The following ACAD10 variants were observed in gnomAD, a reference collection of about 807,000 sequenced individuals.
ACAD10 encodes the protein acyl-CoA dehydrogenase family member 10.
A neutral mutation model predicts 116.8 loss-of-function variants in ACAD10; 112 were observed. The ratio of observed to expected loss-of-function variants is 0.96; its 90% CI spans 0.82 to 1.12. The LOEUF is 1.12. ACAD10 is among the 50% of genes most tolerant of loss of function. ACAD10 has a pLI of 0.00. For synonymous variants in ACAD10, 486 were observed against 510.6 expected (o/e 0.95, Z 0.65); for missense variants, 1,259 against 1,350.2 (o/e 0.93, Z 1.06).
At chr12:111,689,780 A>G (rs940841698) in intron 1 of ACAD10, among the ~76,000 whole-genome samples, 2 of 150,836 alleles carry the variant, frequency 1.3e-5, no homozygotes, top group Admixed American at 6.6e-5. Flanking sequence ...CAGTGGCACC[A>G]TCTCGGCTCA....
intron 3 of ACAD10, 41 bp from the exon 4 acceptor site, chr12:111,705,697 C>A: frequency 6.4e-7 from 1 of 1,565,218 alleles, no homozygotes; most frequent in Non-Finnish European, 8.7e-7. Context: ...GTTTGTCACT[C>A]TTAATGATTG....
chr12:111,711,458 C>G (rs1035685856), intron 5 of ACAD10, among the ~76,000 whole-genome samples: 2 of 152,098 alleles, frequency 1.3e-5, no homozygotes, highest in African/African-American at 4.8e-5. Context: ...ATACGCCTGC[C>G]TCGGCCTCCC....
intron 5 of ACAD10, among the ~76,000 whole-genome samples, chr12:111,710,764 G>A (rs993378236): frequency 6.6e-6 from 1 of 151,972 alleles, no homozygotes; most frequent in Admixed American, 6.6e-5. Flanking sequence ...AAAGATTCAC[G>A]GCCTCACCAC....
At chr12:111,752,536 G>A (rs1432932558) in intron 18 of ACAD10, among the ~76,000 whole-genome samples, 1 of 151,988 alleles carries the variant, frequency 6.6e-6, no homozygotes, top group East Asian at 1.9e-4. Context: ...TGAACCCCGG[G>A]AGGCAGAGGT....
chr12:111,753,291 G>A (rs1016381911), intron 18 of ACAD10: 2 of 332,798 alleles, frequency 6.0e-6, no homozygotes, highest in East Asian at 7.7e-5. Context: ...GGCCGGGAGC[G>A]AGACGGGGCT....
At chr12:111,735,518 C>A (rs1051315402) in intron 11 of ACAD10, among the ~76,000 whole-genome samples, 2 of 150,996 alleles carry the variant, frequency 1.3e-5, no homozygotes, top group Non-Finnish European at 1.5e-5. Context: ...TGCAGTGGCG[C>A]GATCTCAGCT....
chr12:111,732,553 T>G (rs1008433158), intron 10 of ACAD10, among the ~76,000 whole-genome samples: 1 of 152,190 alleles, frequency 6.6e-6, no homozygotes, highest in Non-Finnish European at 1.5e-5. Context: ...ATCTGTTAAA[T>G]CTGGAAGGTG....
At chr12:111,709,923 G>A (rs141274559) in intron 5 of ACAD10, 48 of 487,054 alleles carry the variant, frequency 9.9e-5, no homozygotes, top group Middle Eastern at 5.5e-4. Flanking sequence ...GAAAGGAGGT[G>A]AATGGCAGGC....
rs144972066 is a variant in ACAD10 at position 111,751,924 on chromosome 12, G to A, written c.2818-1848G>A. On this transcript the variant is annotated intron_variant, in intron 18 of 20. Coordinates refer to ENST00000313698, the MANE Select transcript of ACAD10 (RefSeq NM_025247.6). ...AAATATAAAATTAGTTGGACGTGGT[G>A]GCGCATGCCTGTAATCCCAGCTACT... Among the ~76,000 whole-genome samples, 129 of 152,014 alleles carry A rather than the reference G, an allele frequency of 8.5e-4. No individual in the cohort carries two copies. In the East Asian group the frequency reaches 8.5e-3, roughly 10 times the overall value.
Position 111,709,912 on chromosome 12 carries a change from G to T in ACAD10, c.690+228G>T. ...CGAAGGCAGGTTGAGAAAAGAGATG[G>T]GAAAGGAGGTGAATGGCAGGCTTAA... On this transcript the variant is annotated intron_variant, in intron 5 of 20. Transcript: ENST00000313698. 5.8e-6 allele frequency: 3 copies of T among 514,188 alleles called. No homozygotes were observed. The South Asian group carries it at 6.9e-5, about 12-fold the overall frequency. 31.9% of individuals were successfully genotyped at this position (514,188 alleles called of 1,614,324 possible).
chr12:111,712,523 A>G lies in ACAD10; in HGVS notation c.716A>G (p.Lys239Arg), dbSNP rs778871948. ...IKVNDPETAV[K>R]ELEALLGFTL... is the part of the protein sequence containing the mutation. ...GTTAATGACCCAGAGACTGCAGTAA[A>G]GGAATTAGAAGCTCTCTTGGGTTTT... Residue 239 changes from lysine to arginine, a missense_variant, in exon 6 of 21, where the codon AAG becomes AGG. Coordinates refer to ENST00000313698, the MANE Select transcript of ACAD10 (RefSeq NM_025247.6). 14 of 1,614,000 alleles carry G rather than the reference A, an allele frequency of 8.7e-6. No individual in the cohort carries two copies. Among genetic ancestry groups the G allele is most frequent in the Non-Finnish European group, 1.2e-5 (14 of 1,179,980 alleles).
intron 18 of ACAD10, among the ~76,000 whole-genome samples, chr12:111,750,968 G>A (rs918215814): frequency 3.9e-5 from 6 of 152,154 alleles, no homozygotes; most frequent in Admixed American, 1.3e-4. Context: ...AAACGCTCCT[G>A]TCTATGGACT....
intron 17 of ACAD10, 37 bp downstream of exon 17, chr12:111,748,512 G>A (rs1173110461): frequency 6.2e-7 from 1 of 1,609,370 alleles, no homozygotes; most frequent in Non-Finnish European, 8.5e-7. Flanking sequence ...CTGGGTGTGG[G>A]TCTGGTCCCC....
At chr12:111,726,135 T>C (rs1889207615) in intron 8 of ACAD10, among the ~76,000 whole-genome samples, 1 of 151,960 alleles carries the variant, frequency 6.6e-6, no homozygotes, top group African/African-American at 2.4e-5. Context: ...TCACCTGGAG[T>C]CCCAGCTACT....
Position 111,744,533 on chromosome 12 carries a change from A to C in ACAD10, c.1715-110A>C, listed in dbSNP as rs1156628354. The C allele has an allele frequency of 2.2e-5, 29 of 1,346,412 alleles. No individual in the cohort carries two copies. In the East Asian group the frequency reaches 6.4e-4, roughly 30 times the overall value. The allele number at this position is 1,346,412 out of a possible 1,614,324, so 83.4% of individuals were successfully genotyped here. A position where few individuals can be genotyped will look rare whatever the true frequency, so the allele number is the denominator to read the frequency against. ...CTTAGCACAGTGTTTGGTACTTAGC[A>C]AGTGCTCAGCAAATGGCAATAGCTG... On this transcript the variant is annotated intron_variant, in intron 12 of 20. Coordinates refer to ENST00000313698, the MANE Select transcript of ACAD10 (RefSeq NM_025247.6).
chr12:111,724,560 C>T (rs1433294850), intron 8 of ACAD10, among the ~76,000 whole-genome samples: 11 of 152,192 alleles, frequency 7.2e-5, no homozygotes, highest in Non-Finnish European at 1.2e-4. Flanking sequence ...CCCGGCACCT[C>T]GGGAGGCTGA....
intron 2 of ACAD10, among the ~76,000 whole-genome samples, chr12:111,698,224 C>T (rs1888245075): frequency 6.6e-6 from 1 of 150,630 alleles, no homozygotes; most frequent in Non-Finnish European, 1.5e-5. Context: ...TCTTGAACTC[C>T]TGACCTGAAG....
chr12:111,718,695 G>C (rs1566151909), intron 7 of ACAD10, among the ~76,000 whole-genome samples: 1 of 151,492 alleles, frequency 6.6e-6, no homozygotes, highest in Non-Finnish European at 1.5e-5. Flanking sequence ...GGTCAGGCTG[G>C]TCCGAACTCT....
chr12:111,728,651 G>T (rs1280065152), intron 9 of ACAD10, among the ~76,000 whole-genome samples: 4 of 152,086 alleles, frequency 2.6e-5, no homozygotes, highest in Non-Finnish European at 5.9e-5. Context: ...GGGACTCTGG[G>T]CATGTGCCAC....
Sources: gnomAD v4.1 joint callset for allele counts (sites outside exome capture counted in the v4.1 genomes callset) on GRCh38, gnomAD v4.1.1 for gene constraint, MANE v1.5 for transcripts, NCBI Gene and HGNC (gene_info 2026-07-23, HGNC 2026-07-21) for gene names.